Variants in ATF7 observed in about 807,000 individuals in gnomAD.
ATF7 encodes activating transcription factor 7, also known as cyclic AMP-dependent transcription factor ATF-7.
Under a neutral mutation model 50.4 loss-of-function variants are expected in ATF7, and 10 were observed. That is an observed-to-expected ratio of 0.20 (90% confidence interval 0.12 to 0.34). The LOEUF (loss-of-function observed/expected upper bound fraction) is 0.34, where lower values mean the gene tolerates loss of function less well. Ranked by LOEUF, ATF7 falls within the 10% of genes least tolerant of loss-of-function variation. The pLI, the probability that ATF7 is intolerant of heterozygous loss-of-function variation, is 1.00. For missense variants in ATF7, 465 were observed against 613.9 expected, an observed-to-expected ratio of 0.76 and a Z score of 2.56; for synonymous variants, 201 against 226.4, an observed-to-expected ratio of 0.89 and a Z score of 1.01.
At chr12:53,563,677 T>A (rs1941283318) in intron 2 of ATF7, among the ~76,000 whole-genome samples, 1 of 152,260 alleles carries the variant, frequency 6.6e-6, no homozygotes, top group Admixed American at 6.5e-5. Context: ...TTTTTTATCC[T>A]TTTCACCTGC....
At chr12:53,535,631 A>G (rs971718236) in intron 5 of ATF7, among the ~76,000 whole-genome samples, 1 of 152,178 alleles carries the variant, frequency 6.6e-6, no homozygotes, top group African/African-American at 2.4e-5. Flanking sequence ...TTTTCTGTAC[A>G]TGTACTATAT....
At chr12:53,553,741 C>T (rs1940531176) in intron 2 of ATF7, among the ~76,000 whole-genome samples, 3 of 152,180 alleles carry the variant, frequency 2.0e-5, no homozygotes, top group Admixed American at 6.5e-5. Context: ...AAACATGGTT[C>T]CGTTTGTCTT....
intron 2 of ATF7, among the ~76,000 whole-genome samples, chr12:53,594,778 C>G (rs1414720647): frequency 6.6e-6 from 1 of 151,638 alleles, no homozygotes; most frequent in Non-Finnish European, 1.5e-5. Context: ...AGTCCCAGTA[C>G]TGGGGAGACT....
intron 2 of ATF7, among the ~76,000 whole-genome samples, chr12:53,589,155 G>A (rs1046333627): frequency 6.6e-6 from 1 of 152,186 alleles, no homozygotes; most frequent in African/African-American, 2.4e-5. Flanking sequence ...CAATTTAGCA[G>A]AGTGGTTAAG....
chr12:53,604,402 T>C (rs574832694), intron 1 of ATF7, among the ~76,000 whole-genome samples: 2 of 152,288 alleles, frequency 1.3e-5, no homozygotes, highest in Admixed American at 1.3e-4. Flanking sequence ...CAGAGGTAGA[T>C]CCTAAAATGG....
intron 2 of ATF7, among the ~76,000 whole-genome samples, chr12:53,567,031 C>T (rs1039371131): frequency 6.6e-6 from 1 of 152,170 alleles, no homozygotes; most frequent in African/African-American, 2.4e-5. Flanking sequence ...GGATTACAGG[C>T]GTGAGCCATT....
At chr12:53,605,893 A>G (rs1235033794) in intron 1 of ATF7, among the ~76,000 whole-genome samples, 1 of 152,214 alleles carries the variant, frequency 6.6e-6, no homozygotes, top group East Asian at 1.9e-4. Context: ...TTTAAAGTCT[A>G]TATTAAGTTT....
At chr12:53,532,678 G>A in intron 7 of ATF7, 55 bp from the exon 8 acceptor site, 1 of 1,295,982 alleles carries the variant, frequency 7.7e-7, no homozygotes, top group Admixed American at 2.2e-5. Flanking sequence ...TACCATCGGT[G>A]GGGCAACAGT....
At chr12:53,522,983 T>G (rs976186738) in intron 11 of ATF7, among the ~76,000 whole-genome samples, 2 of 152,266 alleles carry the variant, frequency 1.3e-5, no homozygotes, top group Admixed American at 1.3e-4. Flanking sequence ...CATATAAATG[T>G]AGATAATATC....
chr12:53,542,941 C>G, intron 4 of ATF7: 1 of 1,067,970 alleles, frequency 9.4e-7, no homozygotes, highest in Non-Finnish European at 1.1e-6. Context: ...AACAGTGTAG[C>G]TGAGAAGTCT....
intron 2 of ATF7, chr12:53,574,560 A>G (rs1442121436): frequency 6.5e-6 from 1 of 152,856 alleles, no homozygotes; most frequent in African/African-American, 2.4e-5. Flanking sequence ...TACATGCCAC[A>G]TAGCCGTGCT....
intron 2 of ATF7, among the ~76,000 whole-genome samples, chr12:53,559,880 G>A (rs1260611774): frequency 6.6e-6 from 1 of 152,078 alleles, no homozygotes; most frequent in Non-Finnish European, 1.5e-5. Flanking sequence ...CTTGGACACA[G>A]CACATATTCA....
chr12:53,601,521 T>C (rs925209458), intron 1 of ATF7, among the ~76,000 whole-genome samples: 1 of 152,144 alleles, frequency 6.6e-6, no homozygotes, highest in Non-Finnish European at 1.5e-5. Context: ...TATCCCATAT[T>C]ATTGCCAAAG....
chr12:53,526,364 G>A (rs537501842), intron 9 of ATF7, among the ~76,000 whole-genome samples: 1 of 151,996 alleles, frequency 6.6e-6, no homozygotes, highest in South Asian at 2.1e-4. Flanking sequence ...TGAGGAGGAT[G>A]AAGACTTTTA....
chr12:53,606,748 G>A (rs1421463438), intron 1 of ATF7, among the ~76,000 whole-genome samples: 1 of 121,806 alleles, frequency 8.2e-6, no homozygotes, highest in South Asian at 2.5e-4. Flanking sequence ...AGTGTGTGAT[G>A]TTCCCCTTCC....
At chr12:53,581,041 G>T (rs913124756) in intron 2 of ATF7, among the ~76,000 whole-genome samples, 2 of 152,006 alleles carry the variant, frequency 1.3e-5, no homozygotes, top group Non-Finnish European at 2.9e-5. Flanking sequence ...GAACCTGGGA[G>T]GTAGAGCTTG....
At chr12:53,534,476 T>C in intron 6 of ATF7, 26 bp downstream of exon 6, 1 of 1,613,474 alleles carries the variant, frequency 6.2e-7, no homozygotes, top group Non-Finnish European at 8.5e-7. Flanking sequence ...CAGCCTTCAC[T>C]ACTTCTCCCT....
intron 1 of ATF7, among the ~76,000 whole-genome samples, chr12:53,625,669 T>A (rs989469944): frequency 6.6e-6 from 1 of 152,318 alleles, no homozygotes. Context: ...ATCCACCCCA[T>A]CTATCTTTTC....
At chr12:53,517,924 G>C (rs1284624877) in intron 11 of ATF7, among the ~76,000 whole-genome samples, 1 of 152,124 alleles carries the variant, frequency 6.6e-6, no homozygotes, top group African/African-American at 2.4e-5. Context: ...GAGTGCAGTG[G>C]TGCAATCTCA....
Sources: gnomAD v4.1 joint callset for allele counts (sites outside exome capture counted in the v4.1 genomes callset) on GRCh38, gnomAD v4.1.1 for gene constraint, MANE v1.5 for transcripts, NCBI Gene and HGNC (gene_info 2026-07-23, HGNC 2026-07-21) for gene names.